The following GALNTL6 variants were observed in gnomAD, a reference collection of about 807,000 sequenced individuals.
GALNTL6 encodes polypeptide N-acetylgalactosaminyltransferase like 6, also known as polypeptide N-acetylgalactosaminyltransferase-like 6.
In GALNTL6, 46 loss-of-function variants were observed where a neutral mutation model predicts 73.7. The ratio of observed to expected loss-of-function variants is 0.62; its 90% CI spans 0.49 to 0.80. The LOEUF (loss-of-function observed/expected upper bound fraction) is 0.80. GALNTL6 is among the 30% of genes least tolerant of loss of function. GALNTL6 has a pLI of 0.00. For missense variants in GALNTL6, 604 were observed against 755.0 expected (o/e 0.80, Z 2.34); for synonymous variants, 259 against 263.7 (o/e 0.98, Z 0.17).
At chr4:172,925,366 A>G (rs115551916) in intron 8 of GALNTL6, among the ~76,000 whole-genome samples, 1 of 152,364 alleles carries the variant, frequency 6.6e-6, no homozygotes, top group African/African-American at 2.4e-5. Flanking sequence ...GGTTATCGAT[A>G]GAAGACATGA....
chr4:172,563,231 C>G lies in GALNTL6; in HGVS notation c.553+214542C>G, dbSNP rs140672616. 3.9e-3 allele frequency among the ~76,000 whole-genome samples: 587 copies of G among 152,290 alleles called. 3 individuals are homozygous for G. Among genetic ancestry groups the G allele is most frequent in the Middle Eastern group, 0.017 (5 of 294 alleles). ...GGACCTTCTGATTTCCACGCACACT[C>G]TTCTTTGTTCCTTTGTGTAGCAGAA... On this transcript the variant is annotated intron_variant, in intron 5 of 12. Transcript: ENST00000506823.
At chr4:172,191,952 A>G (rs570391516) in intron 2 of GALNTL6, among the ~76,000 whole-genome samples, 2 of 152,202 alleles carry the variant, frequency 1.3e-5, no homozygotes, top group East Asian at 3.9e-4. Context: ...AAATATTTAC[A>G]TGCATAATAA....
chr4:172,951,940 T>G (rs1487426347), intron 9 of GALNTL6, 97 bp from the exon 10 acceptor site: 1 of 994,610 alleles, frequency 1.0e-6, no homozygotes, highest in East Asian at 2.5e-5. Flanking sequence ...AGGTTGCCGC[T>G]ATCTTTTCCT....
chr4:172,038,669 G>A (rs958514397), intron 2 of GALNTL6, among the ~76,000 whole-genome samples: 4 of 152,124 alleles, frequency 2.6e-5, no homozygotes, highest in African/African-American at 9.7e-5. Flanking sequence ...GTTGGTCACC[G>A]GTCATTTGTT....
At chr4:171,949,514 G>A (rs763689932) in intron 2 of GALNTL6, among the ~76,000 whole-genome samples, 1 of 152,054 alleles carries the variant, frequency 6.6e-6, no homozygotes, top group Non-Finnish European at 1.5e-5. Flanking sequence ...AACCTGAGAG[G>A]GGAAAAAAGC....
chr4:172,527,992 T>G (rs1735020303), intron 5 of GALNTL6, among the ~76,000 whole-genome samples: 1 of 151,970 alleles, frequency 6.6e-6, no homozygotes, highest in African/African-American at 2.4e-5. Flanking sequence ...TAGTTATATA[T>G]AATTTTATTT....
chr4:172,129,198 G>A (rs1733387823), intron 2 of GALNTL6, among the ~76,000 whole-genome samples: 1 of 152,120 alleles, frequency 6.6e-6, no homozygotes. Flanking sequence ...TTTGAAATTA[G>A]CAGCATTACA....
chr4:172,398,831 TCAATACTGCCCTGCCCTTGC>T (rs1743938011), intron 5 of GALNTL6, among the ~76,000 whole-genome samples: 1 of 152,154 alleles, frequency 6.6e-6, no homozygotes, highest in Admixed American at 6.6e-5. Flanking sequence ...GGAGGTTCTT[TCAATACTGCCCTGCCCTTGC>T]CAATGTTTGG....
chr4:172,378,465 C>T (rs1339446800), intron 5 of GALNTL6, among the ~76,000 whole-genome samples: 1 of 152,128 alleles, frequency 6.6e-6, no homozygotes, highest in South Asian at 2.1e-4. Flanking sequence ...AATTCGATAA[C>T]ACTAATTGTG....
intron 7 of GALNTL6, among the ~76,000 whole-genome samples, chr4:172,816,282 T>C (rs951843311): frequency 1.3e-5 from 2 of 152,254 alleles, no homozygotes; most frequent in Non-Finnish European, 2.9e-5. Context: ...TGTAGCAAGT[T>C]TATCAAATGT....
intron 2 of GALNTL6, among the ~76,000 whole-genome samples, chr4:171,902,152 T>G (rs1737118875): frequency 6.6e-6 from 1 of 152,188 alleles, no homozygotes; most frequent in Non-Finnish European, 1.5e-5. Context: ...GCTGGAGATT[T>G]AGTTCCCATA....
Position 172,221,495 on chromosome 4 carries a change from ATCTT to A in GALNTL6, c.139-8159_139-8156del, listed in dbSNP as rs1736675191. Among the ~76,000 whole-genome samples, 4 of 151,852 alleles carry A rather than the reference ATCTT, an allele frequency of 2.6e-5. No individual in the cohort carries two copies. In the South Asian group the frequency reaches 8.3e-4, roughly 31 times the overall value. On this transcript the variant is annotated intron_variant, in intron 2 of 12. Coordinates refer to ENST00000506823, the MANE Select transcript of GALNTL6 (RefSeq NM_001034845.3). The stretch of plus-strand genomic sequence containing the variant: ...TATAATATGTGCCTTTTTTGAAACA[ATCTT>A]TATTTGCTTTTATGTTTCTACAGAA...
At chr4:172,562,710 C>T (rs922352568) in intron 5 of GALNTL6, among the ~76,000 whole-genome samples, 4 of 152,188 alleles carry the variant, frequency 2.6e-5, no homozygotes, top group Admixed American at 6.5e-5. Context: ...TTTGTAATCA[C>T]GGATCATTCA....
At chr4:172,751,454 A>T (rs1449760078) in intron 5 of GALNTL6, among the ~76,000 whole-genome samples, 1 of 152,200 alleles carries the variant, frequency 6.6e-6, no homozygotes, top group South Asian at 2.1e-4. Flanking sequence ...CAACTATTTC[A>T]CTAATCTTTC....
chr4:172,307,511 C>A (rs575849352), intron 3 of GALNTL6, among the ~76,000 whole-genome samples: 1 of 152,080 alleles, frequency 6.6e-6, no homozygotes, highest in Admixed American at 6.6e-5. Context: ...AGTTTTTGAT[C>A]CATCTTGAGT....
At chr4:172,100,990 G>A (rs1309952795) in intron 2 of GALNTL6, among the ~76,000 whole-genome samples, 1 of 152,122 alleles carries the variant, frequency 6.6e-6, no homozygotes, top group Non-Finnish European at 1.5e-5. Flanking sequence ...GCCAGCTTTT[G>A]CTAAAAACAG....
chr4:172,167,730 G>A (rs1021101869), intron 2 of GALNTL6, among the ~76,000 whole-genome samples: 4 of 150,394 alleles, frequency 2.7e-5, no homozygotes, highest in Non-Finnish European at 4.4e-5. Context: ...AGGCCGAGGC[G>A]GGTGGATCAT....
Position 172,715,522 on chromosome 4 carries a change from G to GTA in GALNTL6, c.554-93838_554-93837dup, listed in dbSNP as rs1735022026. ...GGTACTCTCCAAATGTAAGGAGGTG[G>GTA]TAGTATTGTGGTATTCTTATCACTG... On this transcript the variant is annotated intron_variant, in intron 5 of 12. Transcript: ENST00000506823. Among the ~76,000 whole-genome samples, 2 of 6,960 alleles carry GTA rather than the reference G, an allele frequency of 2.9e-4. 1 individual carries two copies. Among genetic ancestry groups the GTA allele is most frequent in the Admixed American group, 1.7e-3 (2 of 1,206 alleles). 4.6% of individuals were successfully genotyped at this position (6,960 alleles called of 152,430 possible).
chr4:172,723,650 CT>C (rs1735622511), intron 5 of GALNTL6, among the ~76,000 whole-genome samples: 2 of 152,094 alleles, frequency 1.3e-5, no homozygotes, highest in South Asian at 4.1e-4. Context: ...TGCATCAACT[CT>C]TTCTCTTAAA....
Sources: gnomAD v4.1 joint callset for allele counts (sites outside exome capture counted in the v4.1 genomes callset) on GRCh38, gnomAD v4.1.1 for gene constraint, MANE v1.5 for transcripts, NCBI Gene and HGNC (gene_info 2026-07-23, HGNC 2026-07-21) for gene names.